VPS9D1: variants seen among roughly 807,000 people sequenced by gnomAD.
VPS9D1 encodes VPS9 domain-containing protein 1.
VPS9D1 carries 78 observed loss-of-function variants against 75.8 expected under a neutral mutation model. The observed-to-expected ratio is 1.03, with a 90% CI of 0.86 to 1.24. The LOEUF (loss-of-function observed/expected upper bound fraction) is 1.24. Among genes scored for constraint, VPS9D1 ranks in the 50% most tolerant of loss-of-function variants. VPS9D1 has a pLI of 0.00. For synonymous variants in VPS9D1, 481 were observed against 385.6 expected (o/e 1.25, Z -2.90); for missense variants, 1,057 against 847.7 (o/e 1.25, Z -3.07).
chr16:89,712,140 G>T, intron 6 of VPS9D1, 41 bp from the exon 7 acceptor site: 1 of 1,547,678 alleles, frequency 6.5e-7, no homozygotes, highest in Non-Finnish European at 8.7e-7. Context: ...GATCTGAGCG[G>T]GCCCTCGGTT....
chr16:89,716,325 CG>C, intron 4 of VPS9D1, 136 bp downstream of exon 4: 1 of 1,301,674 alleles, frequency 7.7e-7, no homozygotes, highest in South Asian at 1.3e-5. Flanking sequence ...AAGATTGAGC[CG>C]CTGCACTCCA....
At position 89,711,382 on chromosome 16, in the gene VPS9D1, T is replaced by A; in HGVS notation, c.778A>T (p.Lys260Ter). Residue 260 changes from lysine (K) to a stop codon, truncating the protein, a stop_gained, in exon 9 of 15, where the codon AAG (lysine) becomes TAG (stop). Coordinates refer to ENST00000389386, the MANE Select transcript of VPS9D1 (RefSeq NM_004913.3). LOFTEE classifies it high-confidence loss of function. ...DWPKHWKAKL[K>*]RNPGDLSLVT... Reference sequence around the variant, plus strand: ...AGTGACAGGTCCCCCGGATTCCTCTTGAGCTTGGCCTTCCAGTGCTTCGGC... The same window carrying A: ...AGTGACAGGTCCCCCGGATTCCTCTAGAGCTTGGCCTTCCAGTGCTTCGGC... The A allele has an allele frequency of 2.5e-6, 4 of 1,610,758 alleles. No homozygotes were observed. Among genetic ancestry groups the A allele is most frequent in the Non-Finnish European group, 3.4e-6 (4 of 1,178,514 alleles).
At chr16:89,715,693 G>C (rs1212635680) in intron 4 of VPS9D1, among the ~76,000 whole-genome samples, 11 of 150,148 alleles carry the variant, frequency 7.3e-5, no homozygotes, top group Admixed American at 2.6e-4. Context: ...AATTTTTTTT[G>C]AGACGGAGTT....
At chr16:89,711,738 C>T (rs1326486403) in intron 8 of VPS9D1, 144 bp downstream of exon 8, 2 of 1,026,268 alleles carry the variant, frequency 1.9e-6, no homozygotes, top group East Asian at 2.7e-5. Flanking sequence ...CCTCACCGGG[C>T]CCTCCCACGG....
rs931061366 is a variant in VPS9D1, at chr16:89,720,497, C to T, written c.99+266G>A. 69 of 1,130,122 alleles carry T rather than the reference C, an allele frequency of 6.1e-5. No homozygotes were observed. The African/African-American group carries it at 1.1e-3, about 18-fold the overall frequency. 70.0% of individuals were successfully genotyped at this position (1,130,122 alleles called of 1,614,324 possible). On this transcript the variant is annotated intron_variant, in intron 1 of 14. Coordinates refer to ENST00000389386, the MANE Select transcript of VPS9D1 (RefSeq NM_004913.3). ...CCTGGCGGACCCTCCTGCTACATCT[C>T]CTCTACAGGTGGAGCCCAGGCTGTG...
chr16:89,711,510 C>T, intron 8 of VPS9D1, 98 bp from the exon 9 acceptor site: 1 of 1,232,988 alleles, frequency 8.1e-7, no homozygotes, highest in Non-Finnish European at 1.1e-6. Context: ...ACTGTGGGAG[C>T]CCGTCCTGGG....
intron 4 of VPS9D1, among the ~76,000 whole-genome samples, chr16:89,714,625 T>A (rs894692832): frequency 1.3e-5 from 2 of 152,218 alleles, no homozygotes; most frequent in Non-Finnish European, 2.9e-5. Flanking sequence ...ACCCTTCTCG[T>A]CTCTCCCACT....
chr16:89,718,460 GC>G (rs2061144338), intron 2 of VPS9D1, among the ~76,000 whole-genome samples: 1 of 152,126 alleles, frequency 6.6e-6, no homozygotes, highest in East Asian at 1.9e-4. Flanking sequence ...CAGCTGGAAT[GC>G]TGCCCCACGT....
chr16:89,711,233 T>A lies in VPS9D1; in HGVS notation c.833+94A>T, dbSNP rs2060910345. 2.2e-6 allele frequency: 3 copies of A among 1,388,366 alleles called. No homozygotes were observed. The Admixed American group carries it at 6.2e-5, about 29-fold the overall frequency. 86.0% of individuals were successfully genotyped at this position (1,388,366 alleles called of 1,614,324 possible). A position where few individuals can be genotyped will look rare whatever the true frequency, so the allele number is the denominator to read the frequency against. On this transcript the variant is annotated intron_variant, in intron 9 of 14. Coordinates refer to ENST00000389386, the MANE Select transcript of VPS9D1 (RefSeq NM_004913.3). ...TCCACGTGGCCGGGCACAGGCTCCC[T>A]GTGTCAGTCCAGCCCCTCTCCGGCA...
intron 10 of VPS9D1, among the ~76,000 whole-genome samples, chr16:89,710,131 G>A (rs572852999): frequency 2.6e-4 from 39 of 152,326 alleles, no homozygotes; most frequent in African/African-American, 9.4e-4. Flanking sequence ...AGAAACCGGA[G>A]AATGATCCTT....
chr16:89,711,141 C>T, intron 9 of VPS9D1, 131 bp from the exon 10 acceptor site: 6 of 1,213,250 alleles, frequency 4.9e-6, no homozygotes, highest in Non-Finnish European at 6.7e-6. Flanking sequence ...GAAAGTCTGC[C>T]CCCCGCCCCC....
intron 13 of VPS9D1, 95 bp from the exon 14 acceptor site, chr16:89,708,626 C>T: frequency 7.5e-7 from 1 of 1,341,240 alleles, no homozygotes; most frequent in South Asian, 1.3e-5. Context: ...TGCTGGCCGC[C>T]ATCTCTGTGC....
chr16:89,720,632 C>CCCGGGATCCGT (rs2061235547), intron 1 of VPS9D1, 131 bp downstream of exon 1: 2 of 1,236,394 alleles, frequency 1.6e-6, no homozygotes, highest in African/African-American at 3.2e-5. Context: ...CCGGGAACCG[C>CCCGGGATCCGT]GGCCCGGGAT....
intron 9 of VPS9D1, among the ~76,000 whole-genome samples, 157 bp from the exon 10 acceptor site, chr16:89,711,167 G>A (rs1392078019): frequency 6.6e-6 from 1 of 151,438 alleles, no homozygotes; most frequent in East Asian, 2.0e-4. Context: ...GGAGGTTGGA[G>A]AAGCCGAGGA....
intron 8 of VPS9D1, 56 bp downstream of exon 8, chr16:89,711,826 A>G (rs2060934867): frequency 2.6e-6 from 4 of 1,523,372 alleles, no homozygotes; most frequent in Non-Finnish European, 3.5e-6. Flanking sequence ...GGCGGCTCTG[A>G]CCCCGCCCCC....
Position 89,720,817 on chromosome 16 carries a change from G to A in VPS9D1, c.45C>T (p.Ser15=). 3 of 1,455,498 alleles carry A rather than the reference G, an allele frequency of 2.1e-6. No homozygotes were observed. Among genetic ancestry groups the A allele is most frequent in the Non-Finnish European group, 2.7e-6 (3 of 1,100,178 alleles). The allele number at this position is 1,455,498 out of a possible 1,614,324, so 90.2% of individuals were successfully genotyped here. A position where few individuals can be genotyped will look rare whatever the true frequency, so the allele number is the denominator to read the frequency against. ...TGGCCCCGTTGGCAAGCTTCATGGCGCTCTGCAGCGGCTTCACCGTGCCGT... is the reference window on the plus strand; with the variant it reads ...TGGCCCCGTTGGCAAGCTTCATGGCACTCTGCAGCGGCTTCACCGTGCCGT... ...AGDGTVKPLQ[S]AMKLANGAIE... The change falls in exon 1 of 15, where the codon AGC becomes AGT. Residue 15 remains serine (S), a synonymous_variant. Coordinates refer to ENST00000389386, the MANE Select transcript of VPS9D1 (RefSeq NM_004913.3).
chr16:89,718,923 C>T (rs963292108), intron 2 of VPS9D1, 104 bp downstream of exon 2: 5 of 960,640 alleles, frequency 5.2e-6, no homozygotes, highest in African/African-American at 1.6e-5. Context: ...CCATGTTAGC[C>T]AGGATGGTTT....
chr16:89,711,600 C>T, intron 8 of VPS9D1, 188 bp from the exon 9 acceptor site: 1 of 667,470 alleles, frequency 1.5e-6, no homozygotes, highest in East Asian at 2.8e-5. Context: ...TAGGCGAACC[C>T]TGGGCCTGCA....
chr16:89,720,881 G>T lies in VPS9D1; in HGVS notation c.-20C>A. 1 of 1,343,658 alleles carries T rather than the reference G, an allele frequency of 7.4e-7. No homozygotes were observed. The highest frequency in any genetic ancestry group is 9.6e-7 in the Non-Finnish European group (1 of 1,045,110). 83.2% of individuals were successfully genotyped at this position (1,343,658 alleles called of 1,614,324 possible). On this transcript the variant is annotated 5_prime_UTR_variant, in exon 1 of 15. Coordinates refer to ENST00000389386, the MANE Select transcript of VPS9D1 (RefSeq NM_004913.3). ...GGCCATGGCGCCGAGCGGGGGAGGC[G>T]GCGGCGGTAGCCGAGGGGCTGGACG...
Sources: allele counts gnomAD v4.1 joint callset (sites outside exome capture counted in the v4.1 genomes callset), GRCh38; gene constraint gnomAD v4.1.1; transcripts MANE v1.5; gene names NCBI Gene and HGNC (gene_info 2026-07-23, HGNC 2026-07-21).